Variants in OSBPL5 observed in about 807,000 individuals in gnomAD.
OSBPL5 encodes the protein oxysterol-binding protein-related protein 5.
A neutral mutation model predicts 111.2 loss-of-function variants in OSBPL5; 71 were observed. The observed-to-expected ratio is 0.64, with a 90% confidence interval of 0.53 to 0.78. OSBPL5 has a LOEUF of 0.78. OSBPL5 is among the 30% of genes least tolerant of loss of function. The pLI, the probability that OSBPL5 is intolerant of heterozygous loss-of-function variation, is 0.00. For synonymous variants in OSBPL5, 549 were observed against 513.9 expected, an observed-to-expected ratio of 1.07 and a Z score of -0.93; for missense variants, 1,210 against 1,189.3, an observed-to-expected ratio of 1.02 and a Z score of -0.26.
chr11:3,138,497 G>A (rs1320765862), intron 1 of OSBPL5, among the ~76,000 whole-genome samples: 1 of 152,230 alleles, frequency 6.6e-6, no homozygotes, highest in African/African-American at 2.4e-5. Context: ...GGGGCCTGCT[G>A]GGATTGTGGA....
At chr11:3,136,304 C>T (rs2166567) in intron 1 of OSBPL5, among the ~76,000 whole-genome samples, 73,324 of 152,226 alleles carry the variant, frequency 0.48, 19,301 homozygotes, top group Non-Finnish European at 0.59. Context: ...GCCTCCCAGA[C>T]GCTCGCCTTC....
At position 3,107,233 on chromosome 11, in the gene OSBPL5, G is replaced by A. The variant is rs768523595; in HGVS notation, c.1059+30C>T. ...AACAAGGGGCCGAGGCAGGGGAGAC[G>A]CTTGGGGCTCCTGGCTGGGGGGCTC... On this transcript the variant is annotated intron_variant, in intron 9 of 21. Coordinates refer to ENST00000263650, the MANE Select transcript of OSBPL5 (RefSeq NM_020896.4). This position sits in a 1 kb window ranked among gnomAD's most constrained non-coding sequence, Gnocchi z 6.1. 3.5e-5 allele frequency: 56 copies of A among 1,604,188 alleles called. No individual in the cohort carries two copies. Among genetic ancestry groups the A allele is most frequent in the Non-Finnish European group, 4.2e-5 (50 of 1,176,544 alleles).
At chr11:3,139,456 C>A (rs1188713555) in intron 1 of OSBPL5, among the ~76,000 whole-genome samples, 1 of 152,176 alleles carries the variant, frequency 6.6e-6, no homozygotes, top group Non-Finnish European at 1.5e-5. Flanking sequence ...TGGAGACAGA[C>A]CCCAGTGATG....
intron 1 of OSBPL5, among the ~76,000 whole-genome samples, chr11:3,134,763 G>T (rs1011558729): frequency 6.6e-6 from 1 of 151,824 alleles, no homozygotes; most frequent in Non-Finnish European, 1.5e-5. Context: ...CTTCAGCTGC[G>T]TGAGTGGGTC....
In OSBPL5 at chr11:3,126,516, T is replaced by C. The variant is rs1489020884; in HGVS notation, c.176A>G (p.Asp59Gly). Reference protein sequence around the residue: ...MEPNGPSLPRDEGPPTPSSAT... With the variant: ...MEPNGPSLPRGEGPPTPSSAT... ...AGAGCTTGGGGTCGGGGGCCCTTCA[T>C]CCCTGGGCAGCGACGGGCCGTTGGG... The change falls in exon 3 of 22, where the codon GAT becomes GGT. Residue 59 changes from aspartate (D) to glycine (G), a missense_variant. Coordinates refer to ENST00000263650, the MANE Select transcript of OSBPL5 (RefSeq NM_020896.4). This position sits in a 1 kb window ranked among gnomAD's most constrained non-coding sequence, Gnocchi z 6.5. 6.2e-7 allele frequency: 1 copy of C among 1,610,038 alleles called. No individual in the cohort carries two copies. Among genetic ancestry groups the C allele is most frequent in the East Asian group, 2.2e-5 (1 of 44,722 alleles).
chr11:3,157,605 G>A (rs1415779304), intron 1 of OSBPL5, among the ~76,000 whole-genome samples: 2 of 152,254 alleles, frequency 1.3e-5, no homozygotes, highest in African/African-American at 4.8e-5. Flanking sequence ...GGCGCCACAA[G>A]GCCACTTCCT....
intron 21 of OSBPL5, 77 bp from the exon 22 acceptor site, chr11:3,088,420 CTGGGTACTTGACCAGGTG>C: frequency 1.5e-6 from 2 of 1,372,476 alleles, no homozygotes; most frequent in South Asian, 1.7e-5. Context: ...GGACAGTGCC[CTGGGTACTTGACCAGGTG>C]CTGGACACAG....
In OSBPL5 at chr11:3,114,591, A is replaced by ACTTTTTTTTTTT. The variant is rs774192603; in HGVS notation, c.691+4955_691+4956insAAAAAAAAAAAG. Among the ~76,000 whole-genome samples the ACTTTTTTTTTTT allele has an allele frequency of 2.8e-4, 32 of 113,904 alleles. 9 individuals are homozygous for ACTTTTTTTTTTT. The highest frequency in any genetic ancestry group is 9.5e-4 in the African/African-American group (27 of 28,412). 74.7% of individuals were successfully genotyped at this position (113,904 alleles called of 152,430 possible). A position where few individuals can be genotyped will look rare whatever the true frequency, so the allele number is the denominator to read the frequency against. On this transcript the variant is annotated intron_variant, in intron 7 of 21. Coordinates refer to ENST00000263650, the MANE Select transcript of OSBPL5 (RefSeq NM_020896.4). ...GACTAAAGAATTGGTTAGAACAATG[A>ACTTTTTTTTTTT]TTTTTTTTTTTTTTTTTTTTTTTTT...
intron 1 of OSBPL5, among the ~76,000 whole-genome samples, chr11:3,132,053 T>TCCATC (rs1564850626): frequency 1.1e-5 from 1 of 93,396 alleles, no homozygotes; most frequent in African/African-American, 4.0e-5. Flanking sequence ...ATCCATCCAT[T>TCCATC]CACCCACCTG....
At chr11:3,155,780 G>A (rs1407695822) in intron 1 of OSBPL5, among the ~76,000 whole-genome samples, 4 of 152,248 alleles carry the variant, frequency 2.6e-5, no homozygotes, top group Admixed American at 2.0e-4. Context: ...GATGCCGCGG[G>A]TCTGGGGCTT....
Position 3,119,551 on chromosome 11 carries a change from T to G in OSBPL5, c.687A>C (p.Ser229=). The part of the protein sequence containing the change: ...SYLIFRAASE[S]DGRCWLDALE... ...CGCAAGCTGGCAGGGACTCACCATC[T>G]GACTCGGAGGCGGCCCTGAAGATCA... Residue 229 remains serine (S), a synonymous_variant, in exon 7 of 22, where the codon TCA becomes TCC. Coordinates refer to ENST00000263650, the MANE Select transcript of OSBPL5 (RefSeq NM_020896.4). The G allele has an allele frequency of 6.4e-7, 1 of 1,573,968 alleles. No individual in the cohort carries two copies. Among genetic ancestry groups the G allele is most frequent in the Non-Finnish European group, 8.6e-7 (1 of 1,164,720 alleles).
intron 7 of OSBPL5, among the ~76,000 whole-genome samples, chr11:3,114,834 T>A (rs924535348): frequency 8.5e-5 from 13 of 152,048 alleles, no homozygotes; most frequent in Non-Finnish European, 1.8e-4. Flanking sequence ...ATCTCCTGAC[T>A]TCGTGATCCT....
In OSBPL5 at chr11:3,126,370, G is replaced by T; in HGVS notation, c.219+103C>A. ...CTGTTTCCCCCGAACAGGCTGGAAT[G>T]GCAGGCTCAGCTGGACGCCCTGCTG... On this transcript the variant is annotated intron_variant, in intron 3 of 21. Coordinates refer to ENST00000263650, the MANE Select transcript of OSBPL5 (RefSeq NM_020896.4). This position sits in a 1 kb window ranked among gnomAD's most constrained non-coding sequence, Gnocchi z 6.5. The T allele has an allele frequency of 9.6e-7, 1 of 1,042,680 alleles. No homozygotes were observed. The highest frequency in any genetic ancestry group is 1.6e-5 in the African/African-American group (1 of 61,692). The allele number at this position is 1,042,680 out of a possible 1,614,324, so 64.6% of individuals were successfully genotyped here.
chr11:3,101,298 A>G (rs1857447340), intron 13 of OSBPL5, among the ~76,000 whole-genome samples: 1 of 152,036 alleles, frequency 6.6e-6, no homozygotes, highest in Admixed American at 6.6e-5. Flanking sequence ...ATTTTAGCCA[A>G]TTCAAATAGT....
chr11:3,112,086 CATGTGTGTGTGCAT>C (rs1232907196), intron 7 of OSBPL5, among the ~76,000 whole-genome samples: 1,562 of 86,700 alleles, frequency 0.018, 33 homozygotes, highest in African/African-American at 0.044. Context: ...TGTGTGTGTG[CATGTGTGTGTGCAT>C]ATGTGTGTGT....
chr11:3,103,834 GC>G (rs1376972949), intron 10 of OSBPL5, among the ~76,000 whole-genome samples: 2 of 84,248 alleles, frequency 2.4e-5, no homozygotes, highest in Middle Eastern at 6.3e-3. Flanking sequence ...CCCCCTTCCA[GC>G]CTCTGCAGCC....
In OSBPL5 at chr11:3,136,882, A is replaced by T. The variant is rs896522145; in HGVS notation, c.-21-7713T>A. ...ACTCCGCAGCCAGCCTTCAGCAGTA[A>T]CATCCGGCACAGATGCTTCTGCCTA... is the stretch of plus-strand genomic sequence containing the variant. On this transcript the variant is annotated intron_variant, in intron 1 of 21. Coordinates refer to ENST00000263650, the MANE Select transcript of OSBPL5 (RefSeq NM_020896.4). Among the ~76,000 whole-genome samples, 4 of 152,360 alleles carry T rather than the reference A, an allele frequency of 2.6e-5. No homozygotes were observed. The South Asian group carries it at 8.3e-4, about 32-fold the overall frequency.
rs1350232577 is a variant in OSBPL5 at position 3,130,342 on chromosome 11, G to T, written c.-21-1173C>A. On this transcript the variant is annotated intron_variant, in intron 1 of 21. Coordinates refer to ENST00000263650, the MANE Select transcript of OSBPL5 (RefSeq NM_020896.4). This position sits in a 1 kb window ranked among gnomAD's most constrained non-coding sequence, Gnocchi z 4.5. ...GCTGCTTCCTGCTGCCTCAGGGCAG[G>T]CCAGTGGCATCCTGCCAAGCCCGGG... 3.9e-5 allele frequency among the ~76,000 whole-genome samples: 6 copies of T among 152,242 alleles called. No homozygotes were observed. The highest frequency in any genetic ancestry group is 2.9e-5 in the Non-Finnish European group (2 of 68,050).
intron 1 of OSBPL5, among the ~76,000 whole-genome samples, chr11:3,164,728 G>A (rs1010077305): frequency 3.3e-5 from 5 of 152,176 alleles, no homozygotes; most frequent in Admixed American, 2.6e-4. Flanking sequence ...CCGCAGCTGG[G>A]ACGCCAGACT....
Sources: gnomAD v4.1 joint callset for allele counts (sites outside exome capture counted in the v4.1 genomes callset) on GRCh38, gnomAD v4.1.1 for gene constraint, Gnocchi (gnomAD v3.1) non-coding constraint, MANE v1.5 for transcripts, NCBI Gene and HGNC (gene_info 2026-07-23, HGNC 2026-07-21) for gene names.